Variants in CTTNBP2NL observed in about 807,000 individuals in gnomAD.
CTTNBP2NL encodes CTTNBP2 N-terminal-like protein.
A neutral mutation model predicts 32.5 loss-of-function variants in CTTNBP2NL; 16 were observed. The observed-to-expected ratio is 0.49, with a 90% CI of 0.33 to 0.75. The LOEUF (loss-of-function observed/expected upper bound fraction) is 0.75. CTTNBP2NL is among the 30% of genes least tolerant of loss of function. CTTNBP2NL has a pLI of 0.02. For synonymous variants in CTTNBP2NL, 298 were observed against 289.4 expected, an observed-to-expected ratio of 1.03 and a Z score of -0.30; for missense variants, 645 against 756.0, an observed-to-expected ratio of 0.85 and a Z score of 1.72.
chr1:112,417,862 G>T (rs765835031), intron 3 of CTTNBP2NL, among the ~76,000 whole-genome samples: 1 of 151,502 alleles, frequency 6.6e-6, no homozygotes, highest in Non-Finnish European at 1.5e-5. Context: ...ATTTGTTTTG[G>T]TTCTCCAATG....
intron 3 of CTTNBP2NL, among the ~76,000 whole-genome samples, chr1:112,418,742 T>A (rs182403243): frequency 6.6e-6 from 1 of 152,320 alleles, no homozygotes; most frequent in Non-Finnish European, 1.5e-5. Flanking sequence ...AGTTCATTAA[T>A]TCCAAGCAAA....
intron 3 of CTTNBP2NL, among the ~76,000 whole-genome samples, chr1:112,433,834 A>G (rs1649645426): frequency 6.6e-6 from 1 of 151,432 alleles, no homozygotes; most frequent in East Asian, 1.9e-4. Context: ...ATGACTGCAC[A>G]TGATCTGTTG....
chr1:112,425,995 G>GTC (rs1192336925), intron 3 of CTTNBP2NL, among the ~76,000 whole-genome samples: 11 of 135,942 alleles, frequency 8.1e-5, no homozygotes, highest in African/African-American at 2.8e-4. Context: ...GTGTGTGTGT[G>GTC]TGTGTGTGTC....
chr1:112,457,254 G>A lies in CTTNBP2NL; in HGVS notation c.1762G>A (p.Gly588Ser), dbSNP rs1334348729. 6.2e-7 allele frequency: 1 copy of A among 1,613,966 alleles called. No homozygotes were observed. The highest frequency in any genetic ancestry group is 1.7e-5 in the Admixed American group (1 of 59,996). ...NPPPIPPKKP[G>S]LTPSPSATTP... Reference sequence around the variant, plus strand: ...TCCACCCATCCCACCCAAGAAACCTGGCCTCACCCCTTCTCCATCTGCTAC... The same window carrying A: ...TCCACCCATCCCACCCAAGAAACCTAGCCTCACCCCTTCTCCATCTGCTAC... The change falls in exon 6 of 6, where the codon GGC becomes AGC. Residue 588 changes from glycine to serine, a missense_variant. Physicochemically the swap from Gly to Ser is moderately conservative, Grantham distance 56. Coordinates refer to ENST00000271277, the MANE Select transcript of CTTNBP2NL (RefSeq NM_018704.3).
intron 3 of CTTNBP2NL, among the ~76,000 whole-genome samples, chr1:112,436,690 G>A (rs1369206394): frequency 6.6e-6 from 1 of 151,682 alleles, no homozygotes; most frequent in Non-Finnish European, 1.5e-5. Context: ...TAAGTTCAGG[G>A]GTACATATGC....
At chr1:112,426,975 T>G (rs1336950869) in intron 3 of CTTNBP2NL, among the ~76,000 whole-genome samples, 1 of 152,220 alleles carries the variant, frequency 6.6e-6, no homozygotes, top group Non-Finnish European at 1.5e-5. Flanking sequence ...ATACCTCTAC[T>G]GCTTTTATGA....
At chr1:112,436,824 G>A (rs570471084) in intron 3 of CTTNBP2NL, among the ~76,000 whole-genome samples, 3 of 152,144 alleles carry the variant, frequency 2.0e-5, no homozygotes, top group Admixed American at 6.5e-5. Flanking sequence ...CTGTCAAATA[G>A]TCCCCAGTGT....
chr1:112,435,265 A>G (rs1649698229), intron 3 of CTTNBP2NL, among the ~76,000 whole-genome samples: 1 of 151,790 alleles, frequency 6.6e-6, no homozygotes, highest in African/African-American at 2.4e-5. Context: ...GAATTTATAT[A>G]TTTGTGCTGA....
chr1:112,392,212 A>G (rs1648206156), upstream of CTTNBP2NL, among the ~76,000 whole-genome samples: 1 of 152,126 alleles, frequency 6.6e-6, no homozygotes, highest in Admixed American at 6.5e-5. Context: ...TGTGTTCATC[A>G]CTTATGAATT....
chr1:112,455,245 C>T (rs1313114803), intron 5 of CTTNBP2NL, among the ~76,000 whole-genome samples: 1 of 152,066 alleles, frequency 6.6e-6, no homozygotes, highest in Non-Finnish European at 1.5e-5. Context: ...GTGGTTCACG[C>T]CTGTAATCCC....
chr1:112,391,868 G>A (rs189466169), upstream of CTTNBP2NL, among the ~76,000 whole-genome samples: 1 of 152,228 alleles, frequency 6.6e-6, no homozygotes, highest in East Asian at 1.9e-4. Flanking sequence ...GTGCGCGCCT[G>A]TAATCCCAGC....
At chr1:112,393,127 G>C (rs551493939), upstream of CTTNBP2NL, among the ~76,000 whole-genome samples, 1 of 152,268 alleles carries the variant, frequency 6.6e-6, no homozygotes, top group Non-Finnish European at 1.5e-5. Flanking sequence ...CAAAGTGCTA[G>C]GATTACAGGA....
At chr1:112,441,888 G>A (rs1649901007) in intron 3 of CTTNBP2NL, among the ~76,000 whole-genome samples, 1 of 152,138 alleles carries the variant, frequency 6.6e-6, no homozygotes. Context: ...TATAAGGTAT[G>A]CATCTTCCCA....
At chr1:112,441,239 T>A in intron 3 of CTTNBP2NL, among the ~76,000 whole-genome samples, 1 of 152,182 alleles carries the variant, frequency 6.6e-6, no homozygotes, top group South Asian at 2.1e-4. Flanking sequence ...CTCTTCTGAT[T>A]TTTTGTTCAC....
Position 112,454,520 on chromosome 1 carries a change from C to T in CTTNBP2NL, c.402C>T (p.Tyr134=). 6.2e-7 allele frequency: 1 copy of T among 1,613,792 alleles called. No individual in the cohort carries two copies. The highest frequency in any genetic ancestry group is 8.5e-7 in the Non-Finnish European group (1 of 1,179,688). The part of the protein sequence containing the change: ...QDTAEGDDVT[Y]MLEKERERLT... Reference sequence around the variant, plus strand: ...CGGCTGAAGGAGATGATGTCACCTACATGCTAGAGAAGGAAAGAGAGAGGC... The same window carrying T: ...CGGCTGAAGGAGATGATGTCACCTATATGCTAGAGAAGGAAAGAGAGAGGC... The change falls in exon 5 of 6, where the codon TAC becomes TAT. Residue 134 remains tyrosine, a synonymous_variant. Transcript: ENST00000271277.
At chr1:112,406,536 GA>G (rs939835216) in intron 1 of CTTNBP2NL, among the ~76,000 whole-genome samples, 6 of 152,160 alleles carry the variant, frequency 3.9e-5, no homozygotes, top group Non-Finnish European at 8.8e-5. Flanking sequence ...TGATAATGAT[GA>G]ATTTGTTGGG....
chr1:112,391,508 C>T (rs1427046746), upstream of CTTNBP2NL, among the ~76,000 whole-genome samples: 1 of 152,158 alleles, frequency 6.6e-6, no homozygotes, highest in Non-Finnish European at 1.5e-5. Flanking sequence ...AGCAAGATCT[C>T]CCAGGTAGCT....
At chr1:112,392,483 G>T (rs565842232), upstream of CTTNBP2NL, among the ~76,000 whole-genome samples, 2 of 152,292 alleles carry the variant, frequency 1.3e-5, no homozygotes, top group South Asian at 2.1e-4. Context: ...AAGTGAGAAG[G>T]TTACTTTGCC....
At chr1:112,416,714 A>G (rs1425068084) in intron 3 of CTTNBP2NL, among the ~76,000 whole-genome samples, 1 of 151,850 alleles carries the variant, frequency 6.6e-6, no homozygotes, top group Admixed American at 6.6e-5. Context: ...GATGGTCTTG[A>G]TCTCTTGACC....
Sources: allele counts gnomAD v4.1 joint callset (sites outside exome capture counted in the v4.1 genomes callset), GRCh38; gene constraint gnomAD v4.1.1; transcripts MANE v1.5; gene names NCBI Gene and HGNC (gene_info 2026-07-23, HGNC 2026-07-21).